WDR72: variants seen among roughly 807,000 people sequenced by gnomAD.
WDR72 encodes WD repeat domain 72, also known as WD repeat-containing protein 72.
Under a neutral mutation model 124.2 loss-of-function variants are expected in WDR72, and 120 were observed. That is an observed-to-expected ratio of 0.97 (90% CI 0.83 to 1.12). The LOEUF (loss-of-function observed/expected upper bound fraction) is 1.12, where lower values mean the gene tolerates loss of function less well. Ranked by LOEUF, WDR72 falls within the 50% of genes most tolerant of loss-of-function variation. The pLI is 0.00. For synonymous variants in WDR72, 452 were observed against 441.7 expected, an observed-to-expected ratio of 1.02 and a Z score of -0.29; for missense variants, 1,387 against 1,278.8, an observed-to-expected ratio of 1.08 and a Z score of -1.29.
Position 53,705,944 on chromosome 15 carries a change from A to T in WDR72, c.1085T>A (p.Phe362Tyr). ...WHIPDVPVSK[F>Y]DGSPREIPVT... The stretch of plus-strand genomic sequence containing the variant: ...TGACTTACCTCTAGGAGAACCATCA[A>T]ACTTGGATACAGGAACATCAGGGAT... The change falls in exon 10 of 20, where the codon TTT (phenylalanine) becomes TAT (tyrosine). Residue 362 changes from phenylalanine (F) to tyrosine (Y), a missense_variant. By Grantham distance (22) the Phe-to-Tyr change is conservative. Coordinates refer to ENST00000360509, the MANE Select transcript of WDR72 (RefSeq NM_182758.4). 6.2e-7 allele frequency: 1 copy of T among 1,614,120 alleles called. No individual in the cohort carries two copies. The highest frequency in any genetic ancestry group is 1.1e-5 in the South Asian group (1 of 91,082).
At chr15:53,559,294 C>G (rs928222995) in intron 18 of WDR72, among the ~76,000 whole-genome samples, 1 of 151,852 alleles carries the variant, frequency 6.6e-6, no homozygotes, top group Non-Finnish European at 1.5e-5. Context: ...AATGATGATA[C>G]ACATGTGGAT....
intron 13 of WDR72, among the ~76,000 whole-genome samples, chr15:53,666,696 AT>A (rs1438610857): frequency 6.6e-6 from 1 of 152,230 alleles, no homozygotes; most frequent in Non-Finnish European, 1.5e-5. Flanking sequence ...TAGATGTACT[AT>A]TTATATTGTT....
intron 13 of WDR72, among the ~76,000 whole-genome samples, chr15:53,681,776 A>G (rs1319719830): frequency 6.6e-6 from 1 of 152,196 alleles, no homozygotes; most frequent in Admixed American, 6.5e-5. Flanking sequence ...TATGCCTAAT[A>G]TATATTAAGA....
intron 18 of WDR72, among the ~76,000 whole-genome samples, chr15:53,589,387 G>A (rs1252733826): frequency 6.6e-6 from 1 of 151,844 alleles, no homozygotes; most frequent in African/African-American, 2.4e-5. Flanking sequence ...TTACTAATTA[G>A]GAATTGGCTG....
chr15:53,655,948 C>T (rs967332178), intron 14 of WDR72, among the ~76,000 whole-genome samples: 2 of 152,224 alleles, frequency 1.3e-5, no homozygotes, highest in Admixed American at 6.5e-5. Context: ...ACCTCGGCCT[C>T]CCAAAGTGCT....
chr15:53,659,474 T>C (rs1237780379), intron 14 of WDR72, among the ~76,000 whole-genome samples: 2 of 152,164 alleles, frequency 1.3e-5, no homozygotes, highest in Non-Finnish European at 2.9e-5. Context: ...TTTGAAGTCC[T>C]GTGAGGAAAT....
intron 10 of WDR72, 97 bp downstream of exon 10, chr15:53,705,830 T>G: frequency 6.8e-7 from 1 of 1,470,648 alleles, no homozygotes; most frequent in South Asian, 1.2e-5. Flanking sequence ...TAAATTTTTC[T>G]TGTTTGTGGT....
chr15:53,613,020 G>C (rs1037463945), intron 16 of WDR72, among the ~76,000 whole-genome samples: 1 of 151,998 alleles, frequency 6.6e-6, no homozygotes, highest in Admixed American at 6.6e-5. Flanking sequence ...ATTGGATGTG[G>C]GGTATGAGAG....
intron 19 of WDR72, among the ~76,000 whole-genome samples, chr15:53,521,732 C>T (rs1324908939): frequency 1.3e-5 from 2 of 151,896 alleles, no homozygotes; most frequent in Non-Finnish European, 2.9e-5. Context: ...AAACAATGGA[C>T]ATTTAGGTAA....
intron 18 of WDR72, among the ~76,000 whole-genome samples, chr15:53,524,355 A>G (rs1891987381): frequency 6.6e-6 from 1 of 152,140 alleles, no homozygotes; most frequent in South Asian, 2.1e-4. Flanking sequence ...ATATTTACAA[A>G]TCACACATAA....
At chr15:53,587,288 A>G (rs879409233) in intron 18 of WDR72, among the ~76,000 whole-genome samples, 3 of 152,030 alleles carry the variant, frequency 2.0e-5, no homozygotes, top group African/African-American at 7.2e-5. Context: ...GAATTTTCTA[A>G]GAAGGCCACT....
intron 1 of WDR72, among the ~76,000 whole-genome samples, chr15:53,758,026 G>A (rs1293338475): frequency 6.6e-6 from 1 of 151,466 alleles, no homozygotes; most frequent in Non-Finnish European, 1.5e-5. Context: ...TTTTGAGACA[G>A]GGTCTTTCTC....
chr15:53,518,230 T>C (rs955537668), intron 19 of WDR72, among the ~76,000 whole-genome samples: 1 of 152,098 alleles, frequency 6.6e-6, no homozygotes, highest in Non-Finnish European at 1.5e-5. Flanking sequence ...CTCAGATTAC[T>C]TGGATGATTG....
intron 14 of WDR72, among the ~76,000 whole-genome samples, chr15:53,636,907 G>A (rs1419255507): frequency 6.6e-6 from 1 of 152,038 alleles, no homozygotes; most frequent in African/African-American, 2.4e-5. Flanking sequence ...TTAATCCATT[G>A]TGTTTAATTA....
chr15:53,515,030 C>CAT lies in WDR72; in HGVS notation c.*2667_*2668dup, dbSNP rs1190639052. The CAT allele has an allele frequency of 3.4e-5, 4 of 117,016 alleles. No individual in the cohort carries two copies. The South Asian group carries it at 1.2e-3, about 34-fold the overall frequency. 7.2% of individuals were successfully genotyped at this position (117,016 alleles called of 1,614,324 possible). On this transcript the variant is annotated 3_prime_UTR_variant, in exon 20 of 20. Transcript: ENST00000360509. The stretch of plus-strand genomic sequence containing the variant: ...TGCCATATATATATATATATACACA[C>CAT]ATATATATGTGTATATATATGTGTG...
chr15:53,640,678 A>G (rs1203937746), intron 14 of WDR72, among the ~76,000 whole-genome samples: 1 of 152,158 alleles, frequency 6.6e-6, no homozygotes, highest in African/African-American at 2.4e-5. Context: ...ATGTGGATAT[A>G]TGTAAGTTAT....
At chr15:53,618,246 C>T (rs542723676) in intron 14 of WDR72, among the ~76,000 whole-genome samples, 12 of 151,870 alleles carry the variant, frequency 7.9e-5, no homozygotes, top group Non-Finnish European at 1.6e-4. Flanking sequence ...ATATGTATTC[C>T]TATTTGACCT....
At chr15:53,561,227 T>C (rs900187657) in intron 18 of WDR72, among the ~76,000 whole-genome samples, 13 of 151,844 alleles carry the variant, frequency 8.6e-5, no homozygotes, top group African/African-American at 7.2e-5. Context: ...AAAACTTAAA[T>C]GCACTACTAA....
At chr15:53,710,834 C>T (rs780764796) in intron 9 of WDR72, 23 bp downstream of exon 9, 2 of 1,548,338 alleles carry the variant, frequency 1.3e-6, no homozygotes, top group East Asian at 4.5e-5. Flanking sequence ...AGCTTTGAGG[C>T]AGTCACTCTT....
Sources: gnomAD v4.1 joint callset for allele counts (sites outside exome capture counted in the v4.1 genomes callset) on GRCh38, gnomAD v4.1.1 for gene constraint, MANE v1.5 for transcripts, NCBI Gene and HGNC (gene_info 2026-07-23, HGNC 2026-07-21) for gene names.